Variants in DLG2 observed in about 807,000 individuals in gnomAD.
DLG2 encodes disks large homolog 2.
DLG2 carries 45 observed loss-of-function variants against 132.5 expected under a neutral mutation model. That is an observed-to-expected ratio of 0.34 (90% CI 0.27 to 0.44). The LOEUF (loss-of-function observed/expected upper bound fraction) is 0.44. DLG2 is among the 20% of genes least tolerant of loss of function. DLG2 has a pLI of 1.00. For missense variants in DLG2, 1,045 were observed against 1,196.9 expected (o/e 0.87, Z 1.87); for synonymous variants, 424 against 419.6 (o/e 1.01, Z -0.13).
chr11:84,660,593 T>C (rs2099693510), intron 6 of DLG2, among the ~76,000 whole-genome samples: 1 of 152,120 alleles, frequency 6.6e-6, no homozygotes, highest in East Asian at 1.9e-4. Flanking sequence ...GATGCTTTTG[T>C]CCAGGCCTAA....
chr11:83,894,901 T>C (rs1175932565), intron 15 of DLG2, among the ~76,000 whole-genome samples: 1 of 152,178 alleles, frequency 6.6e-6, no homozygotes, highest in African/African-American at 2.4e-5. Flanking sequence ...ATACTTGCCT[T>C]TCTGTGCCTG....
chr11:84,981,816 T>C (rs1162066666), intron 6 of DLG2, among the ~76,000 whole-genome samples: 2 of 152,064 alleles, frequency 1.3e-5, no homozygotes, highest in African/African-American at 4.8e-5. Context: ...TTCTACTTCC[T>C]CACCTCCCAC....
At chr11:84,707,763 C>G (rs2059934054) in intron 6 of DLG2, among the ~76,000 whole-genome samples, 1 of 151,940 alleles carries the variant, frequency 6.6e-6, no homozygotes, top group South Asian at 2.1e-4. Flanking sequence ...ACTATGTATA[C>G]TCTGGCTTTC....
intron 19 of DLG2, among the ~76,000 whole-genome samples, chr11:83,589,437 T>C (rs1453192916): frequency 2.4e-4 from 36 of 151,418 alleles, no homozygotes; most frequent in African/African-American, 7.5e-4. Context: ...GACAAGCAAA[T>C]GCTGAGAGAT....
Position 83,522,403 on chromosome 11 carries a change from G to A in DLG2, c.2193+10305C>T, listed in dbSNP as rs145610453. Among the ~76,000 whole-genome samples the A allele has an allele frequency of 6.0e-3, 911 of 152,112 alleles. 28 individuals carry two copies. Among genetic ancestry groups the A allele is most frequent in the Non-Finnish European group, 1.1e-3 (75 of 68,010 alleles). ...TACGTCTCCACCCAGTGGCCAGAGC[G>A]GTATCCAGTGCATACAGGAAACTCA... On this transcript the variant is annotated intron_variant, in intron 21 of 27. Transcript: ENST00000376104.
chr11:84,510,413 C>T (rs951832291), intron 7 of DLG2, among the ~76,000 whole-genome samples: 8 of 151,832 alleles, frequency 5.3e-5, no homozygotes, highest in South Asian at 2.1e-4. Flanking sequence ...TAAATGAAAG[C>T]GCCAGAAATT....
chr11:83,671,372 T>G (rs1477750895), intron 18 of DLG2, among the ~76,000 whole-genome samples: 1 of 152,248 alleles, frequency 6.6e-6, no homozygotes, highest in South Asian at 2.1e-4. Flanking sequence ...CACATCCTGA[T>G]GTAGAGTCTG....
At chr11:85,274,186 TG>T (rs2077734881) in intron 4 of DLG2, among the ~76,000 whole-genome samples, 1 of 152,148 alleles carries the variant, frequency 6.6e-6, no homozygotes, top group Admixed American at 6.5e-5. Context: ...CACACCAACA[TG>T]GCACATGTAT....
intron 3 of DLG2, among the ~76,000 whole-genome samples, chr11:85,504,832 T>A (rs1290420048): frequency 6.6e-6 from 1 of 152,214 alleles, no homozygotes; most frequent in Non-Finnish European, 1.5e-5. Context: ...ATATTGATTC[T>A]TCCTATCCAT....
At chr11:85,190,488 G>A (rs760132206) in intron 4 of DLG2, among the ~76,000 whole-genome samples, 1 of 151,670 alleles carries the variant, frequency 6.6e-6, no homozygotes, top group Non-Finnish European at 1.5e-5. Flanking sequence ...TCCAAAGCTA[G>A]CAAAAGAAAA....
At chr11:84,457,858 T>G (rs1321262826) in intron 7 of DLG2, among the ~76,000 whole-genome samples, 1 of 150,954 alleles carries the variant, frequency 6.6e-6, no homozygotes, top group Non-Finnish European at 1.5e-5. Flanking sequence ...TGTAAACTAT[T>G]ATCTTCTAAA....
At chr11:85,490,777 A>AACTT (rs1312050081) in intron 3 of DLG2, among the ~76,000 whole-genome samples, 1 of 152,126 alleles carries the variant, frequency 6.6e-6, no homozygotes, top group African/African-American at 2.4e-5. Context: ...TGAACAAACC[A>AACTT]GTAACAAGTA....
At chr11:83,947,059 C>T (rs1256010603) in intron 14 of DLG2, among the ~76,000 whole-genome samples, 1 of 152,218 alleles carries the variant, frequency 6.6e-6, no homozygotes. Context: ...ATTAATGCCA[C>T]TCCTAGGAAC....
chr11:84,093,247 G>A (rs2097122106), intron 10 of DLG2, among the ~76,000 whole-genome samples: 3 of 152,062 alleles, frequency 2.0e-5, no homozygotes, highest in South Asian at 4.1e-4. Context: ...GTCTTCTTCC[G>A]AGCTCATGTG....
At chr11:84,863,840 T>G (rs1407847358) in intron 6 of DLG2, among the ~76,000 whole-genome samples, 1 of 152,222 alleles carries the variant, frequency 6.6e-6, no homozygotes, top group African/African-American at 2.4e-5. Context: ...CCAGCTGGGT[T>G]GTTTTCTGCA....
At chr11:85,015,220 CT>C (rs2059474073) in intron 6 of DLG2, among the ~76,000 whole-genome samples, 1 of 152,074 alleles carries the variant, frequency 6.6e-6, no homozygotes, top group African/African-American at 2.4e-5. Flanking sequence ...TTGGAAAATT[CT>C]TAATCATATG....
intron 3 of DLG2, among the ~76,000 whole-genome samples, chr11:85,347,875 C>T (rs554161319): frequency 6.4e-4 from 92 of 143,144 alleles, no homozygotes; most frequent in Non-Finnish European, 1.1e-3. Context: ...GCAATCTCGG[C>T]ACATTGCAGC....
In DLG2 at chr11:84,915,242, G is replaced by A. The variant is rs77095841; in HGVS notation, c.357+196419C>T. On this transcript the variant is annotated intron_variant, in intron 6 of 27. Transcript: ENST00000376104. ...AGGTTAATGAAGGAATCTTTTAAGCGGGTCAATATGAATTGTATTTCCCCC... is the reference window on the plus strand; with the variant it reads ...AGGTTAATGAAGGAATCTTTTAAGCAGGTCAATATGAATTGTATTTCCCCC... 3.8e-3 allele frequency among the ~76,000 whole-genome samples: 576 copies of A among 152,002 alleles called. 3 individuals are homozygous for A. Among genetic ancestry groups the A allele is most frequent in the African/African-American group, 0.013 (540 of 41,420 alleles).
chr11:84,972,563 G>T (rs1200436872), intron 6 of DLG2, among the ~76,000 whole-genome samples: 1 of 152,150 alleles, frequency 6.6e-6, no homozygotes, highest in Admixed American at 6.5e-5. Flanking sequence ...AAGCGAAATG[G>T]TGCAACTTCC....
Sources: gnomAD v4.1 joint callset for allele counts (sites outside exome capture counted in the v4.1 genomes callset) on GRCh38, gnomAD v4.1.1 for gene constraint, MANE v1.5 for transcripts, NCBI Gene and HGNC (gene_info 2026-07-23, HGNC 2026-07-21) for gene names.